Variants in MAF observed in about 807,000 individuals in gnomAD.
MAF encodes transcription factor Maf.
A neutral mutation model predicts 22.0 loss-of-function variants in MAF; 10 were observed. That is an observed-to-expected ratio of 0.45 (90% CI 0.28 to 0.77). The LOEUF (loss-of-function observed/expected upper bound fraction) is 0.77, where lower values mean the gene tolerates loss of function less well. Ranked by LOEUF, MAF falls within the 30% of genes least tolerant of loss-of-function variation. MAF has a pLI of 0.12. For synonymous variants in MAF, 337 were observed against 255.8 expected (o/e 1.32, Z -3.03); for missense variants, 544 against 548.4 (o/e 0.99, Z 0.08).
chr16:79,276,728 G>C, the MAF span, among the ~76,000 whole-genome samples: 2 of 152,194 alleles, frequency 1.3e-5, no homozygotes. Context: ...TGATGAAAAG[G>C]ATAAAGCTTC....
the MAF span, among the ~76,000 whole-genome samples, chr16:79,284,647 C>G: frequency 1.3e-5 from 2 of 152,162 alleles, no homozygotes; most frequent in Admixed American, 1.3e-4. Context: ...ACAAGGGTGA[C>G]TTTTTAAGAA....
the MAF span, among the ~76,000 whole-genome samples, chr16:79,365,801 G>A: frequency 2.0e-5 from 3 of 152,202 alleles, no homozygotes; most frequent in African/African-American, 4.8e-5. Flanking sequence ...TGTTGACGAG[G>A]TGCCATGTTC....
the MAF span, among the ~76,000 whole-genome samples, chr16:79,293,755 G>C: frequency 6.6e-6 from 1 of 152,182 alleles, no homozygotes; most frequent in East Asian, 1.9e-4. Flanking sequence ...AACTTTATCA[G>C]AGCATCCCAT....
At chr16:79,388,343 A>G in the MAF span, among the ~76,000 whole-genome samples, 1 of 152,186 alleles carries the variant, frequency 6.6e-6, no homozygotes, top group Non-Finnish European at 1.5e-5. Flanking sequence ...AATCATATAC[A>G]TGTTTACAAA....
At chr16:79,211,742 G>A in the MAF span, 2 of 1,614,096 alleles carry the variant, frequency 1.2e-6, no homozygotes, top group African/African-American at 2.7e-5. Flanking sequence ...CCCGGACCCT[G>A]TGGGCGCTCA....
At chr16:79,295,026 T>C in the MAF span, among the ~76,000 whole-genome samples, 1 of 151,846 alleles carries the variant, frequency 6.6e-6, no homozygotes, top group Non-Finnish European at 1.5e-5. Flanking sequence ...AAGAAAAAGG[T>C]TGTTAATAAT....
the MAF span, among the ~76,000 whole-genome samples, chr16:79,506,879 G>C: frequency 3.9e-5 from 6 of 152,174 alleles, no homozygotes; most frequent in Non-Finnish European, 8.8e-5. Context: ...TTTATTTTTA[G>C]TGGGAATGGA....
chr16:79,381,985 G>A, the MAF span, among the ~76,000 whole-genome samples: 11 of 152,174 alleles, frequency 7.2e-5, no homozygotes, highest in African/African-American at 2.6e-4. Flanking sequence ...GATATGACAG[G>A]GTACCATTTA....
At chr16:79,229,669 C>G in the MAF span, among the ~76,000 whole-genome samples, 2 of 151,418 alleles carry the variant, frequency 1.3e-5, no homozygotes, top group Non-Finnish European at 3.0e-5. Flanking sequence ...GGCAAGCCAG[C>G]AGGTGCTTGA....
the MAF span, among the ~76,000 whole-genome samples, chr16:79,290,279 C>A: frequency 6.6e-6 from 1 of 152,170 alleles, no homozygotes; most frequent in Non-Finnish European, 1.5e-5. Context: ...CAACACCGAG[C>A]TTTTATCTGA....
the MAF span, among the ~76,000 whole-genome samples, chr16:79,246,541 G>GGT: frequency 5.1e-5 from 2 of 39,078 alleles, no homozygotes; most frequent in Non-Finnish European, 1.4e-4. Context: ...GGTTTTTTTT[G>GGT]GGGGGGGTGT....
the MAF span, among the ~76,000 whole-genome samples, chr16:79,490,068 C>T: frequency 6.6e-6 from 1 of 152,174 alleles, no homozygotes; most frequent in Admixed American, 6.5e-5. Context: ...AGTGTCTACA[C>T]CTGTGTGTGG....
the MAF span, among the ~76,000 whole-genome samples, chr16:79,208,159 A>T: frequency 6.6e-6 from 1 of 152,194 alleles, no homozygotes. Context: ...TACTCTCAAG[A>T]TTGATTGCAC....
the MAF span, among the ~76,000 whole-genome samples, chr16:79,408,095 A>AAAAAAAAAAAC: frequency 6.8e-6 from 1 of 146,998 alleles, no homozygotes; most frequent in Admixed American, 6.8e-5. Context: ...AAAAAAAAAA[A>AAAAAAAAAAAC]AAAAACCTAA....
chr16:79,319,244 A>C, the MAF span, among the ~76,000 whole-genome samples: 1 of 152,170 alleles, frequency 6.6e-6, no homozygotes. Flanking sequence ...GCCAATTACT[A>C]AGCCCTCGAG....
chr16:79,495,818 T>G, the MAF span, among the ~76,000 whole-genome samples: 1 of 152,104 alleles, frequency 6.6e-6, no homozygotes, highest in Non-Finnish European at 1.5e-5. Flanking sequence ...CAACAAATAT[T>G]TGAGCACCAG....
At chr16:79,433,014 G>C in the MAF span, among the ~76,000 whole-genome samples, 1 of 152,060 alleles carries the variant, frequency 6.6e-6, no homozygotes, top group Non-Finnish European at 1.5e-5. Context: ...TAATACACCA[G>C]GTAAGATAGT....
the MAF span, among the ~76,000 whole-genome samples, chr16:79,243,462 C>G: frequency 6.6e-6 from 1 of 151,876 alleles, no homozygotes; most frequent in Non-Finnish European, 1.5e-5. Context: ...ACTAGAAAAT[C>G]CACAAGAAAT....
At chr16:79,524,683 CATT>C in the MAF span, among the ~76,000 whole-genome samples, 1 of 152,196 alleles carries the variant, frequency 6.6e-6, no homozygotes, top group Non-Finnish European at 1.5e-5. Context: ...TGGAGAAACA[CATT>C]ATTTTTCACT....
Sources: allele counts gnomAD v4.1 joint callset (sites outside exome capture counted in the v4.1 genomes callset), GRCh38; gene constraint gnomAD v4.1.1; transcripts MANE v1.5; gene names NCBI Gene and HGNC (gene_info 2026-07-23, HGNC 2026-07-21).